Variants in GMPPA observed in about 807,000 individuals in gnomAD.
GMPPA encodes the protein GDP-mannose pyrophosphorylase A.
In GMPPA, 46 loss-of-function variants were observed where a neutral mutation model predicts 58.6. That is an observed-to-expected ratio of 0.78 (90% CI 0.62 to 1.00). GMPPA has a LOEUF of 1.00. GMPPA is among the 50% of genes least tolerant of loss of function. The pLI is 0.00. For missense variants in GMPPA, 468 were observed against 556.4 expected (o/e 0.84, Z 1.60); for synonymous variants, 211 against 214.9 (o/e 0.98, Z 0.16).
At position 219,501,835 on chromosome 2, in the gene GMPPA, G is replaced by T. The variant is rs751612064; in HGVS notation, c.243-16G>T. ...CCTAAGATCCACTGAGCTGGCTCTC[G>T]GGTCCCTGGGGACAGGTACCTGCAG... is the stretch of plus-strand genomic sequence containing the variant. On this transcript the variant is annotated splice_polypyrimidine_tract_variant and intron_variant, in intron 4 of 12. Coordinates refer to ENST00000313597, the MANE Select transcript of GMPPA (RefSeq NM_013335.4). 3 of 1,612,034 alleles carry T rather than the reference G, an allele frequency of 1.9e-6. No homozygotes were observed. The highest frequency in any genetic ancestry group is 2.7e-5 in the African/African-American group (2 of 74,868).
intron 6 of GMPPA, among the ~76,000 whole-genome samples, chr2:219,503,451 G>C (rs988436435): frequency 6.6e-6 from 1 of 152,030 alleles, no homozygotes; most frequent in Non-Finnish European, 1.5e-5. Flanking sequence ...TTATTTGTTC[G>C]TGCTTTAATA....
In GMPPA at chr2:219,502,127, G is replaced by A. The variant is rs1694419685; in HGVS notation, c.429+90G>A. The A allele has an allele frequency of 1.1e-5, 15 of 1,336,816 alleles. No individual in the cohort carries two copies. Among genetic ancestry groups the A allele is most frequent in the African/African-American group, 8.6e-5 (6 of 69,586 alleles). 82.8% of individuals were successfully genotyped at this position (1,336,816 alleles called of 1,614,324 possible). A position where few individuals can be genotyped will look rare whatever the true frequency, so the allele number is the denominator to read the frequency against. On this transcript the variant is annotated intron_variant, in intron 5 of 12. Transcript: ENST00000313597. This position sits in a 1 kb window ranked among gnomAD's most constrained non-coding sequence, Gnocchi z 4.0. ...GGTGTTGGGGAGGCAGGGGCGCCCC[G>A]GGAGTTGGTGTGGGAGCTGGCGTCA... is the stretch of plus-strand genomic sequence containing the variant.
chr2:219,505,969 T>G lies in GMPPA; in HGVS notation c.901-11T>G. 1 of 1,547,598 alleles carries G rather than the reference T, an allele frequency of 6.5e-7. No homozygotes were observed. Among genetic ancestry groups the G allele is most frequent in the South Asian group, 1.2e-5 (1 of 84,660 alleles). ...CCCTCCAGGGCTTATGGTGTGTGCT[T>G]CTCTCCACAGCTGGGCCCCAACGTC... On this transcript the variant is annotated splice_polypyrimidine_tract_variant and intron_variant, in intron 10 of 12. Transcript: ENST00000313597.
intron 6 of GMPPA, among the ~76,000 whole-genome samples, chr2:219,503,198 T>C: frequency 6.6e-6 from 1 of 151,448 alleles, no homozygotes; most frequent in East Asian, 2.0e-4. Flanking sequence ...AGTGGTGCGA[T>C]CTTGGCTCAC....
chr2:219,505,687 GCCCCCAGGGC>G lies in GMPPA; in HGVS notation c.854-26_854-17del. On this transcript the variant is annotated intron_variant, in intron 9 of 12. Coordinates refer to ENST00000313597, the MANE Select transcript of GMPPA (RefSeq NM_013335.4). ...TGATCAAATTCGGTTTGGGATATTTGCCCCCAGGGCCTCTCTTCTGCTTCTAGGGAATGTG... is the reference window on the plus strand; with the variant it reads ...TGATCAAATTCGGTTTGGGATATTTGCTCTCTTCTGCTTCTAGGGAATGTG... The G allele has an allele frequency of 6.2e-7, 1 of 1,612,444 alleles. No homozygotes were observed. The highest frequency in any genetic ancestry group is 8.5e-7 in the Non-Finnish European group (1 of 1,178,858).
intron 11 of GMPPA, 58 bp from the exon 12 acceptor site, chr2:219,506,196 C>T (rs199578533): frequency 4.2e-4 from 650 of 1,546,574 alleles, no homozygotes; most frequent in Non-Finnish European, 5.4e-4. Context: ...ACCTCACACC[C>T]TCCGGTTCCT....
intron 6 of GMPPA, among the ~76,000 whole-genome samples, chr2:219,503,471 C>A (rs1694469561): frequency 6.6e-6 from 1 of 152,148 alleles, no homozygotes; most frequent in African/African-American, 2.4e-5. Context: ...ATAAAACATA[C>A]ATATAAACAC....
rs1806933 is a variant in GMPPA, at chr2:219,502,984, T to C, written c.489+543T>C. On this transcript the variant is annotated intron_variant, in intron 6 of 12. Coordinates refer to ENST00000313597, the MANE Select transcript of GMPPA (RefSeq NM_013335.4). The surrounding 1 kb of genome is among the most constrained non-coding windows in gnomAD (Gnocchi z 4.0). ...TGTATGTATGTGTTTATTTATTTAT[T>C]TTGAGACAGAGTCTCACTTTGTCTT... Among the ~76,000 whole-genome samples, 81,154 of 151,978 alleles carry C rather than the reference T, an allele frequency of 0.53. 23,984 individuals are homozygous for C. The highest frequency in any genetic ancestry group is 0.75 in the East Asian group (3,860 of 5,160).
At chr2:219,499,492 T>A (rs1694314460) in intron 1 of GMPPA, among the ~76,000 whole-genome samples, 17 of 152,062 alleles carry the variant, frequency 1.1e-4, no homozygotes, top group Admixed American at 1.1e-3. Flanking sequence ...TATTTTGAGG[T>A]TTGGGTCTGA....
At chr2:219,500,622 T>G (rs1694356723) in intron 3 of GMPPA, 1 of 237,100 alleles carries the variant, frequency 4.2e-6, no homozygotes, top group African/African-American at 2.2e-5. Context: ...AGTCTCTGCC[T>G]GCTGTGAGGT....
intron 12 of GMPPA, 101 bp downstream of exon 12, chr2:219,506,523 T>A: frequency 1.6e-6 from 2 of 1,238,382 alleles, no homozygotes; most frequent in Non-Finnish European, 1.1e-6. Flanking sequence ...TTTCTTCTTT[T>A]AGCAAACAGT....
Position 219,500,244 on chromosome 2 carries a change from A to G in GMPPA, c.138+26A>G, listed in dbSNP as rs115881327. On this transcript the variant is annotated intron_variant, in intron 3 of 12. Coordinates refer to ENST00000313597, the MANE Select transcript of GMPPA (RefSeq NM_013335.4). ...GTAACCTCAGGGGCTCCCCTCTCTC[A>G]CCTCACTTCCTGCTTATCTTCATGC... 790 of 1,219,434 alleles carry G rather than the reference A, an allele frequency of 6.5e-4. 1 individual carries two copies. The African/African-American group carries it at 0.011, about 17-fold the overall frequency. 75.5% of individuals were successfully genotyped at this position (1,219,434 alleles called of 1,614,324 possible).
At position 219,505,358 on chromosome 2, in the gene GMPPA, G is replaced by A. The variant is rs200875359; in HGVS notation, c.751G>A (p.Ala251Thr). ...TGGTATCTGGAGTCAGATCAAGTCCGCAGGGTATGGAAGGCTGGGTCCCCT... is the reference window on the plus strand; with the variant it reads ...TGGTATCTGGAGTCAGATCAAGTCCACAGGGTATGGAAGGCTGGGTCCCCT... The part of the protein sequence containing the change: ...TDGIWSQIKS[A>T]GSALYASRLY... Residue 251 changes from alanine (A) to threonine (T), a missense_variant, in exon 8 of 13, where the codon GCA (alanine) becomes ACA (threonine). Physicochemically the swap from Ala to Thr is moderately conservative, Grantham distance 58 (BLOSUM62 0). Coordinates refer to ENST00000313597, the MANE Select transcript of GMPPA (RefSeq NM_013335.4). 25 of 1,613,514 alleles carry A rather than the reference G, an allele frequency of 1.5e-5. No homozygotes were observed. The highest frequency in any genetic ancestry group is 1.9e-5 in the Non-Finnish European group (22 of 1,179,900).
chr2:219,499,876 G>C, intron 1 of GMPPA, 80 bp from the exon 2 acceptor site: 1 of 1,026,392 alleles, frequency 9.7e-7, no homozygotes, highest in Admixed American at 1.7e-5. Flanking sequence ...TCTTGGGAGA[G>C]GGCTAAGTGT....
rs1458345558 is a variant in GMPPA, at chr2:219,506,314, C to T, written c.1054C>T (p.Arg352Cys). Residue 352 changes from arginine (R) to cysteine (C), a missense_variant, in exon 12 of 13, where the codon CGC (arginine) becomes TGC (cysteine). Coordinates refer to ENST00000313597, the MANE Select transcript of GMPPA (RefSeq NM_013335.4). The stretch of plus-strand genomic sequence containing the variant: ...GGGGAGCACCGTGGGACGCTGGGCC[C>T]GCGTGGAGGGTACCCCCAGTGACCC... ...GWGSTVGRWA[R>C]VEGTPSDPNP... The T allele has an allele frequency of 1.7e-5, 27 of 1,613,668 alleles. No homozygotes were observed. The highest frequency in any genetic ancestry group is 2.7e-5 in the African/African-American group (2 of 74,910).
chr2:219,501,293 G>A (rs183266365), intron 3 of GMPPA, 183 bp from the exon 4 acceptor site: 2 of 602,818 alleles, frequency 3.3e-6, no homozygotes, highest in Admixed American at 5.8e-5. Flanking sequence ...AAAAAGATCA[G>A]GCCTCCGACT....
Position 219,506,015 on chromosome 2 carries a change from C to T in GMPPA, c.936C>T (p.Thr312=), listed in dbSNP as rs376825523. 12 of 1,594,914 alleles carry T rather than the reference C, an allele frequency of 7.5e-6. No individual in the cohort carries two copies. The highest frequency in any genetic ancestry group is 1.7e-4 in the Middle Eastern group (1 of 6,044). Residue 312 remains threonine, a synonymous_variant, in exon 11 of 13, where the codon ACC becomes ACT. Coordinates refer to ENST00000313597, the MANE Select transcript of GMPPA (RefSeq NM_013335.4). Reference sequence around the variant, plus strand: ...ACGTCTCCATCGGGAAGGGGGTGACCGTGGGTGAGGGTGTGCGGCTCCGGG... The same window carrying T: ...ACGTCTCCATCGGGAAGGGGGTGACTGTGGGTGAGGGTGTGCGGCTCCGGG... ...GPNVSIGKGV[T]VGEGVRLRES... is the part of the protein sequence containing the mutation.
In GMPPA at chr2:219,501,837, G is replaced by C. The variant is rs1402594577; in HGVS notation, c.243-14G>C. On this transcript the variant is annotated splice_polypyrimidine_tract_variant and intron_variant, in intron 4 of 12. Coordinates refer to ENST00000313597, the MANE Select transcript of GMPPA (RefSeq NM_013335.4). ...TAAGATCCACTGAGCTGGCTCTCGGGTCCCTGGGGACAGGTACCTGCAGGA... is the reference window on the plus strand; with the variant it reads ...TAAGATCCACTGAGCTGGCTCTCGGCTCCCTGGGGACAGGTACCTGCAGGA... The C allele has an allele frequency of 1.2e-6, 2 of 1,612,766 alleles. No homozygotes were observed. The highest frequency in any genetic ancestry group is 1.7e-6 in the Non-Finnish European group (2 of 1,179,024).
chr2:219,500,647 A>G (rs1363486266), intron 3 of GMPPA: 1 of 215,186 alleles, frequency 4.6e-6, no homozygotes, highest in Non-Finnish European at 9.5e-6. Context: ...AACAAATAAC[A>G]CACCCTCTCT....
Sources: allele counts gnomAD v4.1 joint callset (sites outside exome capture counted in the v4.1 genomes callset), GRCh38; gene constraint gnomAD v4.1.1; non-coding constraint Gnocchi (gnomAD v3.1); transcripts MANE v1.5; gene names NCBI Gene and HGNC (gene_info 2026-07-23, HGNC 2026-07-21).